The following ANKMY1 variants were observed in gnomAD, a reference collection of about 807,000 sequenced individuals.
ANKMY1 encodes ankyrin repeat and MYND domain containing 1.
ANKMY1 carries 98 observed loss-of-function variants against 102.0 expected under a neutral mutation model. The observed-to-expected ratio is 0.96, with a 90% CI of 0.82 to 1.14. The LOEUF (loss-of-function observed/expected upper bound fraction) is 1.14. ANKMY1 is among the 50% of genes most tolerant of loss of function. ANKMY1 has a pLI of 0.00. For synonymous variants in ANKMY1, 582 were observed against 559.9 expected (o/e 1.04, Z -0.56); for missense variants, 1,330 against 1,347.6 (o/e 0.99, Z 0.20).
At chr2:240,481,360 G>A (rs1042321275) in intron 16 of ANKMY1, among the ~76,000 whole-genome samples, 2 of 152,248 alleles carry the variant, frequency 1.3e-5, no homozygotes, top group Admixed American at 6.5e-5. Flanking sequence ...AGTAGGGGCT[G>A]GTTCAGTGAA....
At chr2:240,479,832 CAA>C (rs1430181592) in intron 17 of ANKMY1, among the ~76,000 whole-genome samples, 177 bp from the exon 18 acceptor site, 1 of 152,120 alleles carries the variant, frequency 6.6e-6, no homozygotes, top group Non-Finnish European at 1.5e-5. Context: ...CGTGACTCTT[CAA>C]AGAGGGGCCT....
chr2:240,560,329 A>T (rs1450459428), upstream of ANKMY1: 1 of 187,102 alleles, frequency 5.3e-6, no homozygotes, highest in East Asian at 1.3e-4. Flanking sequence ...GCCGCAGTAG[A>T]GCGGGCAGGG....
At chr2:240,544,342 T>G (rs1294906405) in intron 4 of ANKMY1, among the ~76,000 whole-genome samples, 1 of 152,268 alleles carries the variant, frequency 6.6e-6, no homozygotes, top group Admixed American at 6.5e-5. Flanking sequence ...ATGTAATTTT[T>G]TCCTGTTTCT....
At chr2:240,496,624 C>CTGAG (rs1244398213) in intron 15 of ANKMY1, among the ~76,000 whole-genome samples, 1 of 152,188 alleles carries the variant, frequency 6.6e-6, no homozygotes, top group Non-Finnish European at 1.5e-5. Context: ...TATAAAGCTT[C>CTGAG]TGAGGTTCCT....
chr2:240,497,464 C>T (rs996423926), intron 15 of ANKMY1, among the ~76,000 whole-genome samples: 1 of 152,164 alleles, frequency 6.6e-6, no homozygotes, highest in African/African-American at 2.4e-5. Flanking sequence ...GAAGGTAGAC[C>T]TTGGTTTAAT....
In ANKMY1 at chr2:240,512,797, C is replaced by A; in HGVS notation, c.2145+5G>T. 6.2e-7 allele frequency: 1 copy of A among 1,613,222 alleles called. No individual in the cohort carries two copies. Among genetic ancestry groups the A allele is most frequent in the South Asian group, 1.1e-5 (1 of 90,942 alleles). On this transcript the variant is annotated splice_donor_5th_base_variant and intron_variant, in intron 10 of 17. Coordinates refer to ENST00000401804, the MANE Select transcript of ANKMY1 (RefSeq NM_001282771.3). ...ATACCCCTATCCAGGTCGCGAGGTA[C>A]ACACCTTGCCGGGCTTGTAAGTGTC...
At chr2:240,484,871 C>T (rs1337420663) in intron 15 of ANKMY1, among the ~76,000 whole-genome samples, 1 of 152,126 alleles carries the variant, frequency 6.6e-6, no homozygotes, top group African/African-American at 2.4e-5. Context: ...ACAAACAACC[C>T]CCTCAAAAAG....
chr2:240,501,226 G>A (rs979076230), intron 13 of ANKMY1, among the ~76,000 whole-genome samples: 5 of 152,154 alleles, frequency 3.3e-5, no homozygotes, highest in Non-Finnish European at 5.9e-5. Flanking sequence ...GTCTGTGCAT[G>A]AGTGGGGGCC....
Position 240,506,145 on chromosome 2 carries a change from A to G in ANKMY1, c.2526+1415T>C, listed in dbSNP as rs780593032. On this transcript the variant is annotated intron_variant, in intron 13 of 17. Coordinates refer to ENST00000401804, the MANE Select transcript of ANKMY1 (RefSeq NM_001282771.3). The surrounding 1 kb of genome is among the most constrained non-coding windows in gnomAD (Gnocchi z 4.9). Reference sequence around the variant, plus strand: ...TCGCTGGGAAGCCCCCTAACCCCGGATGAGGCGCTGGGAGCCCCCAACCCC... The same window carrying G: ...TCGCTGGGAAGCCCCCTAACCCCGGGTGAGGCGCTGGGAGCCCCCAACCCC... Among the ~76,000 whole-genome samples, 2 of 151,934 alleles carry G rather than the reference A, an allele frequency of 1.3e-5. No homozygotes were observed. The highest frequency in any genetic ancestry group is 3.9e-4 in the East Asian group (2 of 5,178).
chr2:240,508,618 T>C (rs911576262), intron 12 of ANKMY1, among the ~76,000 whole-genome samples: 1 of 152,230 alleles, frequency 6.6e-6, no homozygotes, highest in Non-Finnish European at 1.5e-5. Context: ...CTGTGTTACA[T>C]ACTAGTTTAT....
Position 240,479,604 on chromosome 2 carries a change from C to A in ANKMY1, c.*5G>T, listed in dbSNP as rs2075103095. On this transcript the variant is annotated 3_prime_UTR_variant, in exon 18 of 18. Coordinates refer to ENST00000401804, the MANE Select transcript of ANKMY1 (RefSeq NM_001282771.3). ...TCCCCAAGCCTCGGACGTGCAGCTG[C>A]TGCTTCACTGGAATTCTTCTCTCCT... The A allele has an allele frequency of 6.2e-7, 1 of 1,613,860 alleles. No individual in the cohort carries two copies. The highest frequency in any genetic ancestry group is 1.3e-5 in the African/African-American group (1 of 74,932).
downstream of ANKMY1, among the ~76,000 whole-genome samples, chr2:240,478,873 C>T (rs539087058): frequency 1.3e-5 from 2 of 152,276 alleles, no homozygotes; most frequent in Non-Finnish European, 2.9e-5. Flanking sequence ...AGCAAACCCC[C>T]ATCGTCCTCA....
At position 240,557,417 on chromosome 2, in the gene ANKMY1, C is replaced by G. The variant is rs2092484520; in HGVS notation, c.-17-65G>C. ...TCCCGCCGCGAACTCAGAGGGCGCCCGAGGCCCGGCCCGCGGCCCCTGAGC... is the reference window on the plus strand; with the variant it reads ...TCCCGCCGCGAACTCAGAGGGCGCCGGAGGCCCGGCCCGCGGCCCCTGAGC... On this transcript the variant is annotated intron_variant, in intron 1 of 17. Transcript: ENST00000401804. The G allele has an allele frequency of 5.0e-6, 7 of 1,401,086 alleles. No homozygotes were observed. The South Asian group carries it at 9.9e-5, about 20-fold the overall frequency. The allele number at this position is 1,401,086 out of a possible 1,614,324, so 86.8% of individuals were successfully genotyped here. A position where few individuals can be genotyped will look rare whatever the true frequency, so the allele number is the denominator to read the frequency against.
Position 240,524,157 on chromosome 2 carries a change from CAG to C in ANKMY1, c.1558_1559del (p.Leu520GlufsTer19). On this transcript the variant is annotated frameshift_variant, in exon 8 of 18. Coordinates refer to ENST00000401804, the MANE Select transcript of ANKMY1 (RefSeq NM_001282771.3). LOFTEE classifies it high-confidence loss of function. ...GGSIDHRSSS[L>X]KGDSPLVKGS... ...CCTTCACCAACGGGGAGTCCCCCTT[CAG>C]AGAGCTGCTCCTGTGGTCTATGGAC... 6.2e-7 allele frequency: 1 copy of C among 1,614,016 alleles called. No homozygotes were observed. Among genetic ancestry groups the C allele is most frequent in the Non-Finnish European group, 8.5e-7 (1 of 1,180,042 alleles).
At chr2:240,493,299 C>A (rs2076861229) in intron 15 of ANKMY1, among the ~76,000 whole-genome samples, 1 of 152,120 alleles carries the variant, frequency 6.6e-6, no homozygotes, top group Non-Finnish European at 1.5e-5. Context: ...TGTACTCCAG[C>A]CTGGGTGACA....
chr2:240,543,959 A>G (rs181448013), intron 4 of ANKMY1, among the ~76,000 whole-genome samples: 3 of 152,192 alleles, frequency 2.0e-5, no homozygotes, highest in African/African-American at 7.2e-5. Flanking sequence ...AAGGTTACTA[A>G]GAATAAAAGT....
chr2:240,524,160 A>G lies in ANKMY1; in HGVS notation c.1557T>C (p.Ser519=). The change falls in exon 8 of 18, where the codon TCT becomes TCC. Residue 519 remains serine, a synonymous_variant. Coordinates refer to ENST00000401804, the MANE Select transcript of ANKMY1 (RefSeq NM_001282771.3). The part of the protein sequence containing the change: ...CGGSIDHRSS[S]LKGDSPLVKG... The stretch of plus-strand genomic sequence containing the variant: ...TCACCAACGGGGAGTCCCCCTTCAG[A>G]GAGCTGCTCCTGTGGTCTATGGACC... The G allele has an allele frequency of 6.2e-7, 1 of 1,613,964 alleles. No homozygotes were observed. The highest frequency in any genetic ancestry group is 1.1e-5 in the South Asian group (1 of 91,086).
rs201754245 is a variant in ANKMY1 at position 240,512,853 on chromosome 2, G to T, written c.2094C>A (p.Thr698=). Residue 698 remains threonine, a synonymous_variant, in exon 10 of 18, where the codon ACC becomes ACA. Coordinates refer to ENST00000401804, the MANE Select transcript of ANKMY1 (RefSeq NM_001282771.3). The stretch of plus-strand genomic sequence containing the variant: ...CGTCGGATGCCTTGGCGTCCACATC[G>T]GTGATGGCATGCAACAGCAGCTCCA... ...QIVELLLHAI[T]DVDAKASDED... 1.2e-6 allele frequency: 2 copies of T among 1,613,948 alleles called. No individual in the cohort carries two copies. Among genetic ancestry groups the T allele is most frequent in the African/African-American group, 2.7e-5 (2 of 74,928 alleles).
At chr2:240,486,924 A>G (rs2076123118) in intron 15 of ANKMY1, among the ~76,000 whole-genome samples, 2 of 152,254 alleles carry the variant, frequency 1.3e-5, no homozygotes, top group South Asian at 4.1e-4. Context: ...TATTATTTAC[A>G]CAAATTTGTG....
Sources: gnomAD v4.1 joint callset for allele counts (sites outside exome capture counted in the v4.1 genomes callset) on GRCh38, gnomAD v4.1.1 for gene constraint, Gnocchi (gnomAD v3.1) non-coding constraint, MANE v1.5 for transcripts, NCBI Gene and HGNC (gene_info 2026-07-23, HGNC 2026-07-21) for gene names.